HNRNPLL: variants seen among roughly 807,000 people sequenced by gnomAD.
The protein encoded by HNRNPLL is heterogeneous nuclear ribonucleoprotein L-like.
HNRNPLL carries 25 observed loss-of-function variants against 67.1 expected under a neutral mutation model. The observed-to-expected ratio is 0.37, with a 90% confidence interval of 0.27 to 0.52. HNRNPLL has a LOEUF of 0.52. Among genes scored for constraint, HNRNPLL ranks in the 20% least tolerant of loss-of-function variants. The probability of loss-of-function intolerance (pLI) is 0.90; values close to 1 mark genes in which losing one functional copy is unlikely to be tolerated. For synonymous variants in HNRNPLL, 267 were observed against 241.7 expected, an observed-to-expected ratio of 1.10 and a Z score of -0.97; for missense variants, 542 against 673.9, an observed-to-expected ratio of 0.80 and a Z score of 2.17.
At chr2:38,588,585 A>T (rs1472401297) in intron 2 of HNRNPLL, among the ~76,000 whole-genome samples, 1 of 151,452 alleles carries the variant, frequency 6.6e-6, no homozygotes, top group African/African-American at 2.4e-5. Context: ...CTAAAAGCAC[A>T]ACTTAAAAGT....
In HNRNPLL at chr2:38,602,479, C is replaced by A. The variant is rs780814995; in HGVS notation, c.148G>T (p.Gly50Trp). 6.5e-7 allele frequency: 1 copy of A among 1,542,762 alleles called. No individual in the cohort carries two copies. Among genetic ancestry groups the A allele is most frequent in the South Asian group, 1.2e-5 (1 of 84,158 alleles). Residue 50 changes from glycine to tryptophan, a missense_variant, in exon 1 of 13, where the codon GGG becomes TGG. Transcript: ENST00000449105. ...CGGCCGCCGCCGCCGCCATCGCCCC[C>A]GCCCCGGGGCGTCGCTTCCCGGCGG... Reference protein sequence around the residue: ...ENRREATPRGGGDGGGGGRSF... With the variant: ...ENRREATPRGWGDGGGGGRSF...
In HNRNPLL at chr2:38,573,241, T is replaced by C. The variant is rs749336729; in HGVS notation, c.1061A>G (p.Asn354Ser). 1 of 1,606,020 alleles carries C rather than the reference T, an allele frequency of 6.2e-7. No homozygotes were observed. Residue 354 changes from asparagine (N) to serine (S), a missense_variant, in exon 8 of 13, where the codon AAC becomes AGC. By Grantham distance (46) the Asn-to-Ser change is conservative. Coordinates refer to ENST00000449105, the MANE Select transcript of HNRNPLL (RefSeq NM_138394.4). ...QLKMNCSRVF[N>S]LFCLYGNIEK... ...AATATTTCCATATAAGCAGAACAGGTTGAAGACTCTTGAACAATTCATTTT... is the reference window on the plus strand; with the variant it reads ...AATATTTCCATATAAGCAGAACAGGCTGAAGACTCTTGAACAATTCATTTT...
rs532258065 is a variant in HNRNPLL, at chr2:38,592,618, G to C, written c.190-970C>G. 3.9e-5 allele frequency among the ~76,000 whole-genome samples: 6 copies of C among 152,208 alleles called. No homozygotes were observed. The East Asian group carries it at 7.7e-4, about 20-fold the overall frequency. On this transcript the variant is annotated intron_variant, in intron 1 of 12. Coordinates refer to ENST00000449105, the MANE Select transcript of HNRNPLL (RefSeq NM_138394.4). Reference sequence around the variant, plus strand: ...TATGCCAGGCAGGATGTTTCAAAATGTAAGAATATGGTCTTAAAGTTTATT... The same window carrying C: ...TATGCCAGGCAGGATGTTTCAAAATCTAAGAATATGGTCTTAAAGTTTATT...
chr2:38,573,915 A>T (rs1469147503), intron 7 of HNRNPLL, among the ~76,000 whole-genome samples: 2 of 151,930 alleles, frequency 1.3e-5, no homozygotes, highest in African/African-American at 2.4e-5. Context: ...ATATTTTACT[A>T]TGTACTTTCA....
chr2:38,566,227 G>C (rs1450968348), intron 12 of HNRNPLL: 3 of 222,010 alleles, frequency 1.4e-5, no homozygotes, highest in Admixed American at 1.3e-4. Flanking sequence ...AATTAGCTGG[G>C]TGTGGTGGTG....
chr2:38,602,802 G>A lies in HNRNPLL; in HGVS notation c.-176C>T. The A allele has an allele frequency of 6.5e-7, 1 of 1,543,846 alleles. No individual in the cohort carries two copies. The highest frequency in any genetic ancestry group is 8.7e-7 in the Non-Finnish European group (1 of 1,144,288). On this transcript the variant is annotated 5_prime_UTR_variant, in exon 1 of 13. Transcript: ENST00000449105. ...GACTGGCGGCTGAGAAGCGCGGACG[G>A]ACTGAGGGGGGCGCCCCGGGAGGAA...
intron 2 of HNRNPLL, among the ~76,000 whole-genome samples, chr2:38,590,647 G>A (rs1441308383): frequency 6.6e-6 from 1 of 152,180 alleles, no homozygotes; most frequent in South Asian, 2.1e-4. Flanking sequence ...TACAGCAGCT[G>A]TGGGAAGAGA....
At chr2:38,598,316 T>C (rs898319493) in intron 1 of HNRNPLL, among the ~76,000 whole-genome samples, 7 of 152,168 alleles carry the variant, frequency 4.6e-5, no homozygotes, top group Non-Finnish European at 8.8e-5. Flanking sequence ...GCTTTACCAC[T>C]ATACAGAGAA....
chr2:38,600,008 C>G, intron 1 of HNRNPLL: 1 of 444,922 alleles, frequency 2.2e-6, no homozygotes, highest in Non-Finnish European at 4.6e-6. Context: ...AACATGTGAA[C>G]GAAGAAGCAC....
At chr2:38,569,377 A>G in intron 9 of HNRNPLL, 43 bp from the exon 10 acceptor site, 1 of 1,418,222 alleles carries the variant, frequency 7.1e-7, no homozygotes, top group Non-Finnish European at 9.9e-7. Flanking sequence ...ACTTTGTTAG[A>G]TAAAAAGCAG....
chr2:38,589,476 T>C (rs940775865), intron 2 of HNRNPLL, among the ~76,000 whole-genome samples: 1 of 152,218 alleles, frequency 6.6e-6, no homozygotes, highest in African/African-American at 2.4e-5. Flanking sequence ...TTCATACAAC[T>C]GAAACTCCTA....
Position 38,569,933 on chromosome 2 carries a change from C to T in HNRNPLL, c.1093-8G>A, listed in dbSNP as rs1666004742. The T allele has an allele frequency of 1.9e-6, 3 of 1,570,142 alleles. No homozygotes were observed. Among genetic ancestry groups the T allele is most frequent in the East Asian group, 4.5e-5 (2 of 44,074 alleles). ...GGTCTTCATAAATTTTACCTGTAAACACAAAATTCCAAAAAGGTGACCATT... is the reference window on the plus strand; with the variant it reads ...GGTCTTCATAAATTTTACCTGTAAATACAAAATTCCAAAAAGGTGACCATT... On this transcript the variant is annotated splice_polypyrimidine_tract_variant and splice_region_variant and intron_variant, in intron 8 of 12. Coordinates refer to ENST00000449105, the MANE Select transcript of HNRNPLL (RefSeq NM_138394.4).
At chr2:38,598,109 A>T (rs1667283037) in intron 1 of HNRNPLL, among the ~76,000 whole-genome samples, 1 of 152,172 alleles carries the variant, frequency 6.6e-6, no homozygotes, top group Non-Finnish European at 1.5e-5. Context: ...ATAAAAACAA[A>T]ACAAAACAAC....
At chr2:38,593,401 T>C (rs1667038087) in intron 1 of HNRNPLL, among the ~76,000 whole-genome samples, 1 of 152,118 alleles carries the variant, frequency 6.6e-6, no homozygotes, top group African/African-American at 2.4e-5. Flanking sequence ...TATAACAAGT[T>C]TTACTCTCAA....
At chr2:38,602,215 A>C in intron 1 of HNRNPLL, 1 of 506,454 alleles carries the variant, frequency 2.0e-6, no homozygotes. Flanking sequence ...CCGGCAGTGG[A>C]CTCGCTGCGG....
At chr2:38,577,434 T>G (rs1168866090) in intron 7 of HNRNPLL, 27 bp downstream of exon 7, 3 of 1,396,096 alleles carry the variant, frequency 2.1e-6, no homozygotes, top group Non-Finnish European at 3.1e-6. Flanking sequence ...TCATCTATAC[T>G]ACCTTCTTTC....
At chr2:38,574,671 C>T (rs575428356) in intron 7 of HNRNPLL, among the ~76,000 whole-genome samples, 2 of 151,774 alleles carry the variant, frequency 1.3e-5, no homozygotes, top group Admixed American at 6.6e-5. Context: ...AACACCACCA[C>T]CAAGCACACA....
chr2:38,602,138 C>T, intron 1 of HNRNPLL: 1 of 410,984 alleles, frequency 2.4e-6, no homozygotes, highest in Non-Finnish European at 4.3e-6. Context: ...GCCGCGAAAC[C>T]CCCCAGAGCG....
In HNRNPLL at chr2:38,570,945, G is replaced by A. The variant is rs143405740; in HGVS notation, c.1093-1020C>T. Reference sequence around the variant, plus strand: ...CACCTGTAGTCCCAGCTACTCAGGAGGCTGAGGCAGGACTGCTTGTGCCCA... The same window carrying A: ...CACCTGTAGTCCCAGCTACTCAGGAAGCTGAGGCAGGACTGCTTGTGCCCA... On this transcript the variant is annotated intron_variant, in intron 8 of 12. Transcript: ENST00000449105. Among the ~76,000 whole-genome samples, 274 of 152,168 alleles carry A rather than the reference G, an allele frequency of 1.8e-3. 1 individual carries two copies. Among genetic ancestry groups the A allele is most frequent in the Middle Eastern group, 6.8e-3 (2 of 292 alleles).
Sources: gnomAD v4.1 joint callset for allele counts (sites outside exome capture counted in the v4.1 genomes callset) on GRCh38, gnomAD v4.1.1 for gene constraint, MANE v1.5 for transcripts, NCBI Gene and HGNC (gene_info 2026-07-23, HGNC 2026-07-21) for gene names.